Variants in PIK3CD observed in about 807,000 individuals in gnomAD.
The protein encoded by PIK3CD is phosphatidylinositol-4,5-bisphosphate 3-kinase catalytic subunit delta.
A neutral mutation model predicts 122.9 loss-of-function variants in PIK3CD; 20 were observed. The observed-to-expected ratio is 0.16, with a 90% confidence interval of 0.11 to 0.24. The LOEUF is 0.24. PIK3CD is among the 10% of genes least tolerant of loss of function. PIK3CD has a pLI of 1.00. For synonymous variants in PIK3CD, 596 were observed against 593.4 expected (o/e 1.00, Z -0.06); for missense variants, 787 against 1,406.3 (o/e 0.56, Z 7.04).
chr1:9,689,386 G>C lies in PIK3CD; in HGVS notation c.-137-2081G>C, dbSNP rs1646099705. On this transcript the variant is annotated intron_variant, in intron 1 of 23. Transcript: ENST00000377346. The surrounding 1 kb of genome is among the most constrained non-coding windows in gnomAD (Gnocchi z 6.1). ...GTCCACTCCTCTCTCCGCCGCCCGT[G>C]TGAGCTCGGGCGCTTCTCCCGGCTG... 6.6e-6 allele frequency among the ~76,000 whole-genome samples: 1 copy of C among 151,910 alleles called. No individual in the cohort carries two copies. Among genetic ancestry groups the C allele is most frequent in the African/African-American group, 2.4e-5 (1 of 41,412 alleles).
chr1:9,714,601 A>G lies in PIK3CD; in HGVS notation c.142-940A>G, dbSNP rs571791363. ...TTAATGACACACCTTGGACCCCTCCAGGCCGGGCACATAGAGCTGCTTGAC... is the reference window on the plus strand; with the variant it reads ...TTAATGACACACCTTGGACCCCTCCGGGCCGGGCACATAGAGCTGCTTGAC... On this transcript the variant is annotated intron_variant, in intron 3 of 23. Coordinates refer to ENST00000377346, the MANE Select transcript of PIK3CD (RefSeq NM_005026.5). Among the ~76,000 whole-genome samples the G allele has an allele frequency of 2.7e-4, 41 of 152,256 alleles. 1 individual carries two copies. The South Asian group carries it at 8.3e-3, about 31-fold the overall frequency.
chr1:9,700,829 CCA>C lies in PIK3CD; in HGVS notation c.-33+9260_-33+9261del, dbSNP rs758684603. 1.3e-5 allele frequency among the ~76,000 whole-genome samples: 2 copies of C among 152,146 alleles called. No individual in the cohort carries two copies. The highest frequency in any genetic ancestry group is 2.9e-5 in the Non-Finnish European group (2 of 68,030). On this transcript the variant is annotated intron_variant, in intron 2 of 23. Transcript: ENST00000377346. The surrounding 1 kb of genome is among the most constrained non-coding windows in gnomAD (Gnocchi z 5.1). ...TTCCTGTCTCAGTAAATTCCCACCA[CCA>C]CTCCCATCTCCCAAGCCCAAACCTG...
At chr1:9,682,490 G>A (rs529678738) in intron 1 of PIK3CD, among the ~76,000 whole-genome samples, 9 of 152,020 alleles carry the variant, frequency 5.9e-5, no homozygotes, top group East Asian at 1.9e-4. Flanking sequence ...TGCCCACCTC[G>A]GCCTCCCAAA....
chr1:9,659,481 C>T (rs1367265257), intron 1 of PIK3CD, among the ~76,000 whole-genome samples: 1 of 152,146 alleles, frequency 6.6e-6, no homozygotes, highest in Non-Finnish European at 1.5e-5. Flanking sequence ...CCACCGCCCA[C>T]CCTCAGGCAT....
intron 2 of PIK3CD, among the ~76,000 whole-genome samples, chr1:9,707,844 A>C (rs1383661396): frequency 6.7e-6 from 1 of 150,266 alleles, no homozygotes; most frequent in Non-Finnish European, 1.5e-5. Flanking sequence ...CCCAGGCTAG[A>C]GTACAGTGGC....
the PIK3CD span, among the ~76,000 whole-genome samples, chr1:9,628,575 G>A: frequency 2.0e-5 from 3 of 152,364 alleles, no homozygotes; most frequent in East Asian, 1.9e-4. Context: ...GGATGGGCCA[G>A]TGGTGGGTGA....
At chr1:9,690,119 C>T in intron 1 of PIK3CD, among the ~76,000 whole-genome samples, 1 of 152,118 alleles carries the variant, frequency 6.6e-6, no homozygotes, top group Non-Finnish European at 1.5e-5. Flanking sequence ...CGCGTCCTCC[C>T]CTCCCCCTGC....
chr1:9,719,167 CT>C lies in PIK3CD; in HGVS notation c.1242+253del, dbSNP rs1648061938. Among the ~76,000 whole-genome samples, 3 of 152,234 alleles carry C rather than the reference CT, an allele frequency of 2.0e-5. No homozygotes were observed. The highest frequency in any genetic ancestry group is 4.4e-5 in the Non-Finnish European group (3 of 68,034). On this transcript the variant is annotated intron_variant, in intron 9 of 23. Transcript: ENST00000377346. This position sits in a 1 kb window ranked among gnomAD's most constrained non-coding sequence, Gnocchi z 5.5. ...GCCTGGGCTGTGGTCCTGCAGGAACCTGCAGGTAGTGCCCTGGGATGGAAGG... is the reference window on the plus strand; with the variant it reads ...GCCTGGGCTGTGGTCCTGCAGGAACCGCAGGTAGTGCCCTGGGATGGAAGG...
At chr1:9,679,115 T>G (rs918857604) in intron 1 of PIK3CD, among the ~76,000 whole-genome samples, 2 of 148,456 alleles carry the variant, frequency 1.3e-5, no homozygotes, top group Non-Finnish European at 3.0e-5. Flanking sequence ...TCGCCCAGGC[T>G]GGAGTGCAAT....
chr1:9,726,804 C>A, intron 23 of PIK3CD, 105 bp from the exon 24 acceptor site: 1 of 1,417,942 alleles, frequency 7.1e-7, no homozygotes, highest in African/African-American at 1.4e-5. Flanking sequence ...TGGGAGCTCT[C>A]TACTAACCAT....
Position 9,652,214 on chromosome 1 carries a change from G to C in PIK3CD, c.-138+412G>C, listed in dbSNP as rs370216129. Among the ~76,000 whole-genome samples, 7 of 152,166 alleles carry C rather than the reference G, an allele frequency of 4.6e-5. No individual in the cohort carries two copies. The highest frequency in any genetic ancestry group is 8.8e-5 in the Non-Finnish European group (6 of 67,980). ...AGCGCTCAGCGCGTGCGCCCGCTCCGAGCGCTGACTAGAGGACCAGGGGCC... is the reference window on the plus strand; with the variant it reads ...AGCGCTCAGCGCGTGCGCCCGCTCCCAGCGCTGACTAGAGGACCAGGGGCC... On this transcript the variant is annotated intron_variant, in intron 1 of 23. Transcript: ENST00000377346. The surrounding 1 kb of genome is among the most constrained non-coding windows in gnomAD (Gnocchi z 6.2).
chr1:9,632,674 C>T, the PIK3CD span, among the ~76,000 whole-genome samples: 1 of 152,108 alleles, frequency 6.6e-6, no homozygotes, highest in Non-Finnish European at 1.5e-5. Flanking sequence ...AACAAGGTAT[C>T]ACTTGGGGTT....
chr1:9,724,691 T>A lies in PIK3CD; in HGVS notation c.2865-113T>A. ...AACTGGAGGCCTTGTGTCCACCCAT[T>A]ATCAGGGCAAGGGCAGGTGTCCTTG... On this transcript the variant is annotated intron_variant, in intron 22 of 23. Coordinates refer to ENST00000377346, the MANE Select transcript of PIK3CD (RefSeq NM_005026.5). This position sits in a 1 kb window ranked among gnomAD's most constrained non-coding sequence, Gnocchi z 7.3. 7.1e-7 allele frequency: 1 copy of A among 1,399,414 alleles called. No individual in the cohort carries two copies. 86.7% of individuals were successfully genotyped at this position (1,399,414 alleles called of 1,614,324 possible).
At chr1:9,640,259 C>T in the PIK3CD span, among the ~76,000 whole-genome samples, 1 of 152,078 alleles carries the variant, frequency 6.6e-6, no homozygotes, top group African/African-American at 2.4e-5. Flanking sequence ...AGCCCTGGTT[C>T]CTTTTGTGGA....
At chr1:9,696,737 A>G (rs545731634) in intron 2 of PIK3CD, among the ~76,000 whole-genome samples, 4 of 151,914 alleles carry the variant, frequency 2.6e-5, no homozygotes, top group South Asian at 4.1e-4. Context: ...AAAAAAAAAA[A>G]AGAGAGAAGA....
rs185822151 is a variant in PIK3CD, at chr1:9,689,207, G to A, written c.-137-2260G>A. On this transcript the variant is annotated intron_variant, in intron 1 of 23. Transcript: ENST00000377346. The surrounding 1 kb of genome is among the most constrained non-coding windows in gnomAD (Gnocchi z 6.1). ...TTGCAGGTGGCGCTTTCTATTTATT[G>A]ATTGTAAGGTGAAACCTAGGCCAGA... 1.8e-3 allele frequency among the ~76,000 whole-genome samples: 277 copies of A among 152,346 alleles called. 1 individual carries two copies. The highest frequency in any genetic ancestry group is 3.1e-3 in the Non-Finnish European group (208 of 68,024).
chr1:9,674,707 A>G (rs1396666280), intron 1 of PIK3CD, among the ~76,000 whole-genome samples: 6 of 151,028 alleles, frequency 4.0e-5, no homozygotes, highest in African/African-American at 1.5e-4. Context: ...AAAAAAAAAA[A>G]AAAGAAACAA....
At chr1:9,656,210 G>T (rs1343375707) in intron 1 of PIK3CD, among the ~76,000 whole-genome samples, 1 of 152,166 alleles carries the variant, frequency 6.6e-6, no homozygotes, top group Non-Finnish European at 1.5e-5. Context: ...GTCCTGGAGG[G>T]ATGCTGTACG....
In PIK3CD at chr1:9,722,664, G is replaced by T; in HGVS notation, c.2426+58G>T. On this transcript the variant is annotated intron_variant, in intron 19 of 23. Transcript: ENST00000377346. The surrounding 1 kb of genome is among the most constrained non-coding windows in gnomAD (Gnocchi z 7.6). ...GTCTGTGCCCAGCCTGGGAGTCTGT[G>T]CCCCTGGAGGGGTCCTTGTTGAAGG... 7.1e-7 allele frequency: 1 copy of T among 1,406,314 alleles called. No individual in the cohort carries two copies. Among genetic ancestry groups the T allele is most frequent in the Non-Finnish European group, 1.0e-6 (1 of 992,104 alleles). 87.1% of individuals were successfully genotyped at this position (1,406,314 alleles called of 1,614,324 possible). A position where few individuals can be genotyped will look rare whatever the true frequency, so the allele number is the denominator to read the frequency against.
Sources: allele counts gnomAD v4.1 joint callset (sites outside exome capture counted in the v4.1 genomes callset), GRCh38; gene constraint gnomAD v4.1.1; non-coding constraint Gnocchi (gnomAD v3.1); transcripts MANE v1.5; gene names NCBI Gene and HGNC (gene_info 2026-07-23, HGNC 2026-07-21).